Variants in ITGAV observed in about 807,000 individuals in gnomAD.
ITGAV encodes integrin subunit alpha V, also known as integrin alpha-V.
ITGAV carries 76 observed loss-of-function variants against 143.8 expected under a neutral mutation model. That is an observed-to-expected ratio of 0.53 (90% CI 0.44 to 0.64). The LOEUF (loss-of-function observed/expected upper bound fraction) is 0.64, where lower values mean the gene tolerates loss of function less well. ITGAV is among the 30% of genes least tolerant of loss of function. The probability of loss-of-function intolerance (pLI) is 0.00; values close to 1 mark genes in which losing one functional copy is unlikely to be tolerated. For synonymous variants in ITGAV, 453 were observed against 446.7 expected (o/e 1.01, Z -0.18); for missense variants, 1,193 against 1,274.7 (o/e 0.94, Z 0.98).
At chr2:186,676,714 A>G in intron 28 of ITGAV, 99 bp from the exon 29 acceptor site, 2 of 1,263,106 alleles carry the variant, frequency 1.6e-6, no homozygotes, top group African/African-American at 1.5e-5. Flanking sequence ...AAAAGAATAT[A>G]CTGTGAATTC....
intron 24 of ITGAV, among the ~76,000 whole-genome samples, chr2:186,668,217 T>TATATATATATATATATATATA (rs71017335): frequency 7.3e-4 from 6 of 8,198 alleles, no homozygotes; most frequent in Non-Finnish European, 1.2e-3. Context: ...TATATATATA[T>TATATATATATATATATATATA]TTTTTTTTTT....
At chr2:186,661,620 C>A (rs1405692397) in intron 18 of ITGAV, among the ~76,000 whole-genome samples, 1 of 141,602 alleles carries the variant, frequency 7.1e-6, no homozygotes. Flanking sequence ...TTTTTTGAGA[C>A]GGAATCTTGC....
chr2:186,676,991 G>C (rs988546032), intron 29 of ITGAV, 56 bp downstream of exon 29: 12 of 1,562,508 alleles, frequency 7.7e-6, no homozygotes, highest in Non-Finnish European at 9.7e-6. Context: ...AAGGGAAAGG[G>C]AAGAAGGAAA....
At chr2:186,595,235 A>G (rs1686715932) in intron 1 of ITGAV, among the ~76,000 whole-genome samples, 1 of 152,236 alleles carries the variant, frequency 6.6e-6, no homozygotes, top group Non-Finnish European at 1.5e-5. Context: ...AAATATATTA[A>G]ACATGCTTTA....
Position 186,637,024 on chromosome 2 carries a change from G to A in ITGAV, c.758-41G>A, listed in dbSNP as rs191593642. ...ACTCAGCAAGCCTGCTGAAGATAACGTCCTTGTCCTGATGGTTCTCCCCTT... is the reference window on the plus strand; with the variant it reads ...ACTCAGCAAGCCTGCTGAAGATAACATCCTTGTCCTGATGGTTCTCCCCTT... On this transcript the variant is annotated intron_variant, in intron 7 of 29. Transcript: ENST00000261023. 1.6e-4 allele frequency: 251 copies of A among 1,566,596 alleles called. 1 individual carries two copies. The East Asian group carries it at 4.8e-3, about 30-fold the overall frequency.
At chr2:186,636,254 ATCTT>A in intron 7 of ITGAV, 47 bp downstream of exon 7, 3 of 1,463,722 alleles carry the variant, frequency 2.0e-6, no homozygotes, top group Non-Finnish European at 1.9e-6. Context: ...TGGTACATAT[ATCTT>A]ATATCTGAGT....
chr2:186,618,089 A>T (rs1051497230), intron 2 of ITGAV, among the ~76,000 whole-genome samples: 57 of 152,366 alleles, frequency 3.7e-4, no homozygotes, highest in Middle Eastern at 3.4e-3. Context: ...TCTGGAGAGC[A>T]GGCTTTCTTT....
At chr2:186,650,409 A>G (rs1305974027) in intron 14 of ITGAV, among the ~76,000 whole-genome samples, 1 of 151,992 alleles carries the variant, frequency 6.6e-6, no homozygotes, top group East Asian at 1.9e-4. Context: ...CATGTTGGCC[A>G]AGCTGGTCCT....
At chr2:186,604,780 T>C (rs1559039761) in intron 2 of ITGAV, among the ~76,000 whole-genome samples, 1 of 152,244 alleles carries the variant, frequency 6.6e-6, no homozygotes, top group Non-Finnish European at 1.5e-5. Context: ...GAGCTACTTT[T>C]AGTATATTTG....
chr2:186,598,499 G>T (rs777247180), intron 1 of ITGAV, among the ~76,000 whole-genome samples: 1 of 148,206 alleles, frequency 6.7e-6, no homozygotes, highest in South Asian at 2.1e-4. Flanking sequence ...CTGCAGTGGC[G>T]CAATCTTGGC....
At chr2:186,602,191 T>C (rs767033403) in intron 2 of ITGAV, 40 bp downstream of exon 2, 2 of 1,582,498 alleles carry the variant, frequency 1.3e-6, no homozygotes, top group Non-Finnish European at 1.7e-6. Context: ...TTGATTTCAT[T>C]TGATTTTTTT....
chr2:186,600,956 T>A (rs1361719717), intron 1 of ITGAV, among the ~76,000 whole-genome samples: 1 of 146,458 alleles, frequency 6.8e-6, no homozygotes, highest in East Asian at 2.0e-4. Context: ...CAAGACTCTG[T>A]CTCAAAAAAA....
intron 18 of ITGAV, among the ~76,000 whole-genome samples, chr2:186,659,379 A>G (rs1688679613): frequency 6.6e-6 from 1 of 151,932 alleles, no homozygotes; most frequent in Admixed American, 6.6e-5. Flanking sequence ...GAGATATTTA[A>G]AGCCACTCAA....
intron 2 of ITGAV, among the ~76,000 whole-genome samples, chr2:186,616,713 A>G (rs1401576207): frequency 5.3e-5 from 8 of 152,124 alleles, no homozygotes; most frequent in Non-Finnish European, 1.0e-4. Context: ...ATATAATTAT[A>G]TATTACTTTT....
intron 23 of ITGAV, 81 bp from the exon 24 acceptor site, chr2:186,667,590 A>G (rs760256625): frequency 1.4e-5 from 9 of 641,820 alleles, no homozygotes; most frequent in Admixed American, 2.6e-5. Flanking sequence ...TTATTTGAGT[A>G]ATGAATATGG....
intron 1 of ITGAV, chr2:186,600,454 G>T: frequency 6.6e-7 from 1 of 1,524,750 alleles, no homozygotes. Context: ...CTTTAAAGAT[G>T]ATTTCCTTAG....
Position 186,590,419 on chromosome 2 carries a change from G to A in ITGAV, c.81G>A (p.Leu27=). The A allele has an allele frequency of 6.2e-7, 1 of 1,613,098 alleles. No homozygotes were observed. The highest frequency in any genetic ancestry group is 8.5e-7 in the Non-Finnish European group (1 of 1,179,856). The change falls in exon 1 of 30, where the codon CTG becomes CTA. Residue 27 remains leucine (L), a synonymous_variant. Coordinates refer to ENST00000261023, the MANE Select transcript of ITGAV (RefSeq NM_002210.5). ...PLLLSGLLLP[L]CRAFNLDVDS... Reference sequence around the variant, plus strand: ...TTCTCTCGGGACTCCTGCTACCTCTGTGCCGCGCCTTCAACCTAGACGTGG... The same window carrying A: ...TTCTCTCGGGACTCCTGCTACCTCTATGCCGCGCCTTCAACCTAGACGTGG...
intron 2 of ITGAV, 91 bp downstream of exon 2, chr2:186,602,242 T>C (rs1686931016): frequency 3.0e-6 from 3 of 1,002,928 alleles, no homozygotes; most frequent in Non-Finnish European, 4.4e-6. Context: ...TTTAATACAA[T>C]TATATAGATA....
chr2:186,602,383 C>A (rs1261310461), intron 2 of ITGAV, among the ~76,000 whole-genome samples: 1 of 152,016 alleles, frequency 6.6e-6, no homozygotes, highest in Non-Finnish European at 1.5e-5. Context: ...TGTCTTCTGC[C>A]GTAAACTGAT....
Sources: gnomAD v4.1 joint callset for allele counts (sites outside exome capture counted in the v4.1 genomes callset) on GRCh38, gnomAD v4.1.1 for gene constraint, MANE v1.5 for transcripts, NCBI Gene and HGNC (gene_info 2026-07-23, HGNC 2026-07-21) for gene names.